Variants in SWT1 observed in about 807,000 individuals in gnomAD.
SWT1 encodes SWT1 RNA endoribonuclease homolog, also known as transcriptional protein SWT1.
Under a neutral mutation model 107.3 loss-of-function variants are expected in SWT1, and 33 were observed. The ratio of observed to expected loss-of-function variants is 0.31; its 90% CI spans 0.23 to 0.41. The LOEUF is 0.41. SWT1 is among the 10% of genes least tolerant of loss of function. SWT1 has a pLI of 1.00. For synonymous variants in SWT1, 345 were observed against 348.3 expected, an observed-to-expected ratio of 0.99 and a Z score of 0.11; for missense variants, 898 against 1,028.9, an observed-to-expected ratio of 0.87 and a Z score of 1.74.
intron 16 of SWT1, among the ~76,000 whole-genome samples, chr1:185,252,234 A>G (rs988532912): frequency 3.9e-5 from 6 of 152,250 alleles, no homozygotes; most frequent in African/African-American, 1.2e-4. Flanking sequence ...TAATGCTGCA[A>G]TAAACATACG....
intron 18 of SWT1, among the ~76,000 whole-genome samples, chr1:185,286,342 G>A (rs532327439): frequency 1.2e-4 from 18 of 152,128 alleles, no homozygotes; most frequent in African/African-American, 3.9e-4. Context: ...TCCTGCCTTA[G>A]CCTCCTGAGT....
chr1:185,186,790 C>T (rs970141949), intron 9 of SWT1, among the ~76,000 whole-genome samples: 11 of 151,182 alleles, frequency 7.3e-5, no homozygotes, highest in African/African-American at 1.5e-4. Flanking sequence ...GTCTCGCTCC[C>T]GTCACGCAGG....
At chr1:185,254,594 T>TA (rs1351481881) in intron 16 of SWT1, among the ~76,000 whole-genome samples, 1 of 151,176 alleles carries the variant, frequency 6.6e-6, no homozygotes, top group Non-Finnish European at 1.5e-5. Flanking sequence ...TCTCTGATGG[T>TA]AGTTTGTATT....
intron 14 of SWT1, among the ~76,000 whole-genome samples, chr1:185,216,567 G>A (rs997648628): frequency 2.0e-5 from 3 of 152,136 alleles, no homozygotes; most frequent in African/African-American, 4.8e-5. Flanking sequence ...CTACAGATGG[G>A]AGGTACCATG....
Position 185,182,547 on chromosome 1 carries a change from C to T in SWT1, c.1138+490C>T, listed in dbSNP as rs368174719. Reference sequence around the variant, plus strand: ...AGGTGTGATGGGATGCGCCTGTAGTCGCAGCTACTCAGGAGGCTGAGGTGG... The same window carrying T: ...AGGTGTGATGGGATGCGCCTGTAGTTGCAGCTACTCAGGAGGCTGAGGTGG... On this transcript the variant is annotated intron_variant, in intron 7 of 18. Coordinates refer to ENST00000367500, the MANE Select transcript of SWT1 (RefSeq NM_017673.7). 5.3e-5 allele frequency among the ~76,000 whole-genome samples: 8 copies of T among 151,520 alleles called. 1 individual carries two copies. Among genetic ancestry groups the T allele is most frequent in the East Asian group, 3.9e-4 (2 of 5,122 alleles).
rs142665582 is a variant in SWT1, at chr1:185,233,905, A to G, written c.2441+2197A>G. Among the ~76,000 whole-genome samples, 882 of 152,114 alleles carry G rather than the reference A, an allele frequency of 5.8e-3. 36 individuals carry two copies. The East Asian group carries it at 0.095, about 16-fold the overall frequency. ...ACTACAGGCACCCGCCACCATGCCC[A>G]GCTAATTTTTTTGTATTTTTAGTAG... On this transcript the variant is annotated intron_variant, in intron 16 of 18. Transcript: ENST00000367500.
chr1:185,255,337 T>C (rs1662402884), intron 16 of SWT1, among the ~76,000 whole-genome samples: 1 of 147,218 alleles, frequency 6.8e-6, no homozygotes, highest in Admixed American at 6.7e-5. Flanking sequence ...GGTATCCTTG[T>C]TGACTTTCTG....
chr1:185,162,290 T>C (rs1654217329), intron 2 of SWT1, among the ~76,000 whole-genome samples: 1 of 152,240 alleles, frequency 6.6e-6, no homozygotes, highest in African/African-American at 2.4e-5. Flanking sequence ...CTAAATCCAT[T>C]GGTCATTTCT....
At chr1:185,213,527 A>G (rs1658986942) in intron 13 of SWT1, among the ~76,000 whole-genome samples, 1 of 152,214 alleles carries the variant, frequency 6.6e-6, no homozygotes, top group Non-Finnish European at 1.5e-5. Context: ...GGATTTCACA[A>G]GCAAGTTCTT....
At chr1:185,196,423 G>A (rs1245719853) in intron 10 of SWT1, among the ~76,000 whole-genome samples, 1 of 152,182 alleles carries the variant, frequency 6.6e-6, no homozygotes, top group Non-Finnish European at 1.5e-5. Context: ...GTAATGTGAT[G>A]CCTCCAGCTT....
intron 10 of SWT1, among the ~76,000 whole-genome samples, chr1:185,193,472 T>C (rs114933239): frequency 0.012 from 1,754 of 151,858 alleles, 27 homozygotes; most frequent in African/African-American, 0.041. Flanking sequence ...CTTTTCTTTT[T>C]TTTTTTTTTC....
chr1:185,267,747 A>T (rs1663508240), intron 16 of SWT1, among the ~76,000 whole-genome samples: 1 of 152,206 alleles, frequency 6.6e-6, no homozygotes, highest in African/African-American at 2.4e-5. Context: ...TGTCTAAAAG[A>T]TATTTTTCCC....
chr1:185,174,309 A>T (rs747016216), intron 4 of SWT1, 63 bp from the exon 5 acceptor site: 27 of 1,307,094 alleles, frequency 2.1e-5, no homozygotes, highest in Non-Finnish European at 2.7e-5. Context: ...TTCTAACTAA[A>T]ATGATAGAGT....
intron 16 of SWT1, among the ~76,000 whole-genome samples, chr1:185,242,696 A>G (rs908699620): frequency 2.0e-5 from 3 of 152,194 alleles, no homozygotes; most frequent in African/African-American, 7.2e-5. Context: ...CTTGAAGACA[A>G]CAAATATTTT....
chr1:185,251,870 T>G (rs1202568951), intron 16 of SWT1, among the ~76,000 whole-genome samples: 1 of 151,996 alleles, frequency 6.6e-6, no homozygotes, highest in East Asian at 1.9e-4. Flanking sequence ...TGTATACATG[T>G]GCCATGCTGG....
chr1:185,178,269 T>C (rs890801585), intron 5 of SWT1, among the ~76,000 whole-genome samples: 1 of 152,112 alleles, frequency 6.6e-6, no homozygotes, highest in African/African-American at 2.4e-5. Context: ...ACATAGGTTG[T>C]CAGTATGACT....
chr1:185,221,041 G>A (rs557020883), intron 14 of SWT1, among the ~76,000 whole-genome samples: 8 of 113,392 alleles, frequency 7.1e-5, no homozygotes, highest in Non-Finnish European at 1.2e-4. Flanking sequence ...GCATGTGTGC[G>A]TGCACACAGA....
intron 10 of SWT1, among the ~76,000 whole-genome samples, chr1:185,195,487 G>A (rs1657307899): frequency 6.6e-6 from 1 of 152,172 alleles, no homozygotes; most frequent in African/African-American, 2.4e-5. Flanking sequence ...ATAGTAGCAT[G>A]ACTTATAATC....
At chr1:185,246,650 AG>A (rs964226606) in intron 16 of SWT1, among the ~76,000 whole-genome samples, 3 of 98,484 alleles carry the variant, frequency 3.0e-5, no homozygotes, top group Admixed American at 2.1e-4. Context: ...TTTTTAATAG[AG>A]GGGGGTCTCA....
Sources: allele counts gnomAD v4.1 joint callset (sites outside exome capture counted in the v4.1 genomes callset), GRCh38; gene constraint gnomAD v4.1.1; transcripts MANE v1.5; gene names NCBI Gene and HGNC (gene_info 2026-07-23, HGNC 2026-07-21).